Variants in ARHGAP15 observed in about 807,000 individuals in gnomAD.
ARHGAP15 encodes Rho GTPase activating protein 15.
In ARHGAP15, 51 loss-of-function variants were observed where a neutral mutation model predicts 63.7. The ratio of observed to expected loss-of-function variants is 0.80; its 90% CI spans 0.64 to 1.01. The LOEUF is 1.01. ARHGAP15 is among the 50% of genes least tolerant of loss of function. The pLI is 0.00. For synonymous variants in ARHGAP15, 191 were observed against 193.8 expected (o/e 0.99, Z 0.12); for missense variants, 560 against 564.6 (o/e 0.99, Z 0.08).
chr2:143,692,822 A>G (rs1451398041), intron 12 of ARHGAP15, among the ~76,000 whole-genome samples: 3 of 152,330 alleles, frequency 2.0e-5, no homozygotes, highest in African/African-American at 7.2e-5. Context: ...TTTCCTTTGA[A>G]GGAAATTTGT....
At chr2:143,484,026 A>G (rs967754547) in intron 8 of ARHGAP15, among the ~76,000 whole-genome samples, 2 of 152,092 alleles carry the variant, frequency 1.3e-5, no homozygotes, top group East Asian at 3.9e-4. Context: ...CCAGGAGTTC[A>G]AGACCATCCT....
Position 143,591,412 on chromosome 2 carries a change from T to C in ARHGAP15, c.1004-32721T>C, listed in dbSNP as rs373365430. On this transcript the variant is annotated intron_variant, in intron 11 of 13. Transcript: ENST00000295095. ...TGGAATCACAGTGGTTTGGGGTAAA[T>C]TCATGCCATGCTGTGCAAAAGTGGC... Among the ~76,000 whole-genome samples the C allele has an allele frequency of 7.9e-5, 12 of 152,288 alleles. No individual in the cohort carries two copies. The East Asian group carries it at 2.3e-3, about 29-fold the overall frequency.
At chr2:143,605,621 C>T (rs1697961057) in intron 11 of ARHGAP15, among the ~76,000 whole-genome samples, 1 of 151,968 alleles carries the variant, frequency 6.6e-6, no homozygotes, top group South Asian at 2.1e-4. Flanking sequence ...TATGCTGCCT[C>T]AGGAATCAGA....
At chr2:143,351,716 A>T (rs965525956) in intron 6 of ARHGAP15, among the ~76,000 whole-genome samples, 3 of 152,116 alleles carry the variant, frequency 2.0e-5, no homozygotes, top group Non-Finnish European at 4.4e-5. Context: ...AAGATTCCCC[A>T]TTTTTCAATC....
intron 6 of ARHGAP15, among the ~76,000 whole-genome samples, chr2:143,397,708 T>C (rs1361366950): frequency 6.6e-6 from 1 of 152,152 alleles, no homozygotes; most frequent in African/African-American, 2.4e-5. Flanking sequence ...AACTGAGCTC[T>C]ACAGTGTACT....
intron 12 of ARHGAP15, among the ~76,000 whole-genome samples, chr2:143,643,605 T>G (rs1270182880): frequency 1.3e-5 from 2 of 151,968 alleles, no homozygotes; most frequent in Admixed American, 6.6e-5. Context: ...GCTCTCCAGG[T>G]TATTAATATG....
intron 8 of ARHGAP15, among the ~76,000 whole-genome samples, chr2:143,475,090 C>T (rs1402937004): frequency 1.3e-5 from 2 of 152,200 alleles, no homozygotes; most frequent in Non-Finnish European, 2.9e-5. Flanking sequence ...CAGACCACAT[C>T]AAGTGTCAGA....
chr2:143,646,161 C>T (rs1293979157), intron 12 of ARHGAP15, among the ~76,000 whole-genome samples: 2 of 151,812 alleles, frequency 1.3e-5, no homozygotes, highest in Non-Finnish European at 2.9e-5. Flanking sequence ...AAGTGCAGCA[C>T]CATAATAAAT....
At chr2:143,644,380 G>A (rs932961681) in intron 12 of ARHGAP15, among the ~76,000 whole-genome samples, 4 of 152,042 alleles carry the variant, frequency 2.6e-5, no homozygotes, top group Admixed American at 6.6e-5. Context: ...GTTAGAGAGT[G>A]ACATTTCTAG....
chr2:143,650,619 C>T (rs1209914301), intron 12 of ARHGAP15, among the ~76,000 whole-genome samples: 1 of 151,924 alleles, frequency 6.6e-6, no homozygotes, highest in East Asian at 1.9e-4. Flanking sequence ...GACAGGAAAG[C>T]ACCTTTGCCT....
chr2:143,671,174 C>T (rs1049933014), intron 12 of ARHGAP15, among the ~76,000 whole-genome samples: 3 of 152,030 alleles, frequency 2.0e-5, no homozygotes, highest in Non-Finnish European at 4.4e-5. Flanking sequence ...ACACAGCTTT[C>T]GGTTTTCTTT....
chr2:143,500,406 C>A (rs1320839121), intron 9 of ARHGAP15, among the ~76,000 whole-genome samples: 1 of 151,920 alleles, frequency 6.6e-6, no homozygotes, highest in Non-Finnish European at 1.5e-5. Context: ...AAAATTGAAT[C>A]ATTGTGCCTA....
chr2:143,332,175 G>T (rs1312338581), intron 6 of ARHGAP15, among the ~76,000 whole-genome samples: 2 of 152,082 alleles, frequency 1.3e-5, no homozygotes, highest in African/African-American at 4.8e-5. Flanking sequence ...CAAAGAAATT[G>T]ATGTCCTGGG....
chr2:143,392,279 A>T (rs924188730), intron 6 of ARHGAP15, among the ~76,000 whole-genome samples: 1 of 152,212 alleles, frequency 6.6e-6, no homozygotes, highest in African/African-American at 2.4e-5. Context: ...GTTAAATGTA[A>T]ATAAGTATAT....
At chr2:143,551,113 CAG>C (rs778883305) in intron 10 of ARHGAP15, among the ~76,000 whole-genome samples, 1 of 152,258 alleles carries the variant, frequency 6.6e-6, no homozygotes, top group African/African-American at 2.4e-5. Flanking sequence ...AATTAATAAA[CAG>C]AAATATGACA....
intron 13 of ARHGAP15, among the ~76,000 whole-genome samples, chr2:143,717,263 A>G (rs1234756555): frequency 6.6e-6 from 1 of 152,100 alleles, no homozygotes; most frequent in East Asian, 1.9e-4. Context: ...TTTGGGGAGC[A>G]TTGCTGTTGT....
chr2:143,463,235 A>G (rs1036459333), intron 8 of ARHGAP15, among the ~76,000 whole-genome samples: 3 of 140,698 alleles, frequency 2.1e-5, no homozygotes, highest in East Asian at 6.6e-4. Context: ...CTAGTCTGAT[A>G]TATCCATAAT....
intron 11 of ARHGAP15, chr2:143,587,594 T>C (rs1697158534): frequency 5.5e-6 from 2 of 365,930 alleles, no homozygotes; most frequent in East Asian, 7.4e-5. Context: ...AAATATATTA[T>C]GTTTCCTGAA....
At chr2:143,704,008 G>GCA (rs1684212811) in intron 13 of ARHGAP15, 1 of 135,630 alleles carries the variant, frequency 7.4e-6, no homozygotes, top group Non-Finnish European at 1.5e-5. Flanking sequence ...AGTCTTCCAG[G>GCA]AAAAAAAAAA....
Sources: allele counts gnomAD v4.1 joint callset (sites outside exome capture counted in the v4.1 genomes callset), GRCh38; gene constraint gnomAD v4.1.1; transcripts MANE v1.5; gene names NCBI Gene and HGNC (gene_info 2026-07-23, HGNC 2026-07-21).